The following LYZL4 variants were observed in gnomAD, a reference collection of about 807,000 sequenced individuals.
The protein encoded by LYZL4 is lysozyme like 4.
A neutral mutation model predicts 17.6 loss-of-function variants in LYZL4; 13 were observed. That is an observed-to-expected ratio of 0.74 (90% CI 0.48 to 1.18). The LOEUF (loss-of-function observed/expected upper bound fraction) is 1.18, where lower values mean the gene tolerates loss of function less well. LYZL4 is among the 50% of genes most tolerant of loss of function. The pLI is 0.00. For synonymous variants in LYZL4, 64 were observed against 67.7 expected, an observed-to-expected ratio of 0.95 and a Z score of 0.27; for missense variants, 174 against 188.2, an observed-to-expected ratio of 0.92 and a Z score of 0.44.
intron 1 of LYZL4, among the ~76,000 whole-genome samples, chr3:42,408,026 C>A (rs1698791926): frequency 6.6e-6 from 1 of 152,142 alleles, no homozygotes; most frequent in Admixed American, 6.5e-5. Context: ...TGAGTTTAAC[C>A]TTCTCCATTT....
intron 1 of LYZL4, among the ~76,000 whole-genome samples, chr3:42,407,678 A>G (rs1349828158): frequency 6.6e-6 from 1 of 151,614 alleles, no homozygotes; most frequent in Non-Finnish European, 1.5e-5. Flanking sequence ...GATTAAATAC[A>G]TCTTGGAAAA....
At chr3:42,373,109 G>A in the LYZL4 span, among the ~76,000 whole-genome samples, 4 of 152,180 alleles carry the variant, frequency 2.6e-5, no homozygotes, top group African/African-American at 9.7e-5. Context: ...TACTCGGGAG[G>A]CTGAGGTAGG....
At chr3:42,402,788 C>T (rs1482524905) in intron 4 of LYZL4, among the ~76,000 whole-genome samples, 1 of 152,212 alleles carries the variant, frequency 6.6e-6, no homozygotes, top group Non-Finnish European at 1.5e-5. Flanking sequence ...AATCCTTTTA[C>T]ATATTCACCA....
At chr3:42,386,104 T>C in the LYZL4 span, among the ~76,000 whole-genome samples, 5 of 152,036 alleles carry the variant, frequency 3.3e-5, no homozygotes, top group Non-Finnish European at 7.4e-5. Context: ...GCATCCTTTT[T>C]TTTTCTTTCT....
At chr3:42,406,269 C>T (rs1451088892) in intron 3 of LYZL4, among the ~76,000 whole-genome samples, 1 of 152,002 alleles carries the variant, frequency 6.6e-6, no homozygotes, top group Non-Finnish European at 1.5e-5. Flanking sequence ...CTGGCTAACA[C>T]AGTGAAACTC....
At chr3:42,373,603 T>C in the LYZL4 span, among the ~76,000 whole-genome samples, 1 of 152,108 alleles carries the variant, frequency 6.6e-6, no homozygotes, top group African/African-American at 2.4e-5. Context: ...CGACCACTTT[T>C]CTCATTGCCG....
chr3:42,364,344 T>TC, the LYZL4 span, among the ~76,000 whole-genome samples: 5 of 147,170 alleles, frequency 3.4e-5, no homozygotes, highest in East Asian at 2.0e-4. Flanking sequence ...TTCTTTTCTT[T>TC]TTTTTTTTTT....
chr3:42,402,544 C>A (rs1422121416), intron 4 of LYZL4, among the ~76,000 whole-genome samples: 1 of 152,092 alleles, frequency 6.6e-6, no homozygotes, highest in Non-Finnish European at 1.5e-5. Context: ...ACATTTGAAA[C>A]CTCATCAGGG....
At chr3:42,402,092 T>A (rs1698663785) in intron 4 of LYZL4, among the ~76,000 whole-genome samples, 1 of 149,578 alleles carries the variant, frequency 6.7e-6, no homozygotes, top group Non-Finnish European at 1.5e-5. Flanking sequence ...TTAGACTACA[T>A]TGTGACTAAG....
downstream of LYZL4, among the ~76,000 whole-genome samples, chr3:42,392,254 T>C (rs1263986175): frequency 6.6e-6 from 1 of 152,090 alleles, no homozygotes; most frequent in African/African-American, 2.4e-5. Context: ...CCGCAGTTCA[T>C]AACCACATGG....
At chr3:42,382,804 G>A in the LYZL4 span, among the ~76,000 whole-genome samples, 3 of 151,834 alleles carry the variant, frequency 2.0e-5, no homozygotes, top group Non-Finnish European at 2.9e-5. Context: ...AGAGACAACT[G>A]GACAGCCTGC....
At chr3:42,384,265 C>G in the LYZL4 span, among the ~76,000 whole-genome samples, 1 of 152,166 alleles carries the variant, frequency 6.6e-6, no homozygotes, top group African/African-American at 2.4e-5. Context: ...CATGCAACAT[C>G]TCAAAAAATT....
At chr3:42,364,487 C>G in the LYZL4 span, among the ~76,000 whole-genome samples, 1 of 151,894 alleles carries the variant, frequency 6.6e-6, no homozygotes, top group Non-Finnish European at 1.5e-5. Context: ...GGATTACAGG[C>G]ACTCGCCACC....
At position 42,404,128 on chromosome 3, in the gene LYZL4, T is replaced by C. The variant is rs1698707514; in HGVS notation, c.293-4A>G. 1 of 1,604,060 alleles carries C rather than the reference T, an allele frequency of 6.2e-7. No individual in the cohort carries two copies. Among genetic ancestry groups the C allele is most frequent in the Non-Finnish European group, 8.5e-7 (1 of 1,171,182 alleles). On this transcript the variant is annotated splice_polypyrimidine_tract_variant and splice_region_variant and intron_variant, in intron 3 of 4. Transcript: ENST00000287748. ...TCTAAATTAGGATTCAGTAAAGCTG[T>C]GGGGAAAAGAAAATGGAAGATACCA... is the stretch of plus-strand genomic sequence containing the variant.
the LYZL4 span, among the ~76,000 whole-genome samples, chr3:42,377,931 C>T: frequency 6.6e-6 from 1 of 152,170 alleles, no homozygotes; most frequent in African/African-American, 2.4e-5. Flanking sequence ...ATTACCATGA[C>T]TCAGCTCGCC....
the LYZL4 span, among the ~76,000 whole-genome samples, chr3:42,379,811 AATGTG>A: frequency 6.6e-6 from 1 of 152,128 alleles, no homozygotes; most frequent in African/African-American, 2.4e-5. Flanking sequence ...CCTAATCCTC[AATGTG>A]ATGGTATTTG....
At chr3:42,365,944 C>T in the LYZL4 span, among the ~76,000 whole-genome samples, 1 of 152,106 alleles carries the variant, frequency 6.6e-6, no homozygotes, top group Non-Finnish European at 1.5e-5. Context: ...GAAGTTCCAC[C>T]TTATCACTCC....
intron 4 of LYZL4, among the ~76,000 whole-genome samples, chr3:42,403,775 A>T (rs1003493096): frequency 1.1e-4 from 16 of 152,250 alleles, no homozygotes; most frequent in African/African-American, 3.6e-4. Flanking sequence ...TAATAAACAC[A>T]GATTTAGTTT....
the LYZL4 span, among the ~76,000 whole-genome samples, chr3:42,386,587 C>T: frequency 4.6e-5 from 7 of 152,044 alleles, no homozygotes; most frequent in African/African-American, 1.4e-4. Context: ...TTTGCAGAGC[C>T]GATTATTCTG....
Sources: gnomAD v4.1 joint callset for allele counts (sites outside exome capture counted in the v4.1 genomes callset) on GRCh38, gnomAD v4.1.1 for gene constraint, MANE v1.5 for transcripts, NCBI Gene and HGNC (gene_info 2026-07-23, HGNC 2026-07-21) for gene names.